XKR8: variants seen among roughly 807,000 people sequenced by gnomAD.
XKR8 encodes XK-related protein 8.
In XKR8, 10 loss-of-function variants were observed where a neutral mutation model predicts 17.1. The observed-to-expected ratio is 0.59, with a 90% CI of 0.36 to 0.99. The LOEUF is 0.99. XKR8 is among the 50% of genes least tolerant of loss of function. The probability of loss-of-function intolerance (pLI) is 0.01; values close to 1 mark genes in which losing one functional copy is unlikely to be tolerated. For missense variants in XKR8, 411 were observed against 515.6 expected, an observed-to-expected ratio of 0.80 and a Z score of 1.96; for synonymous variants, 213 against 251.9, an observed-to-expected ratio of 0.85 and a Z score of 1.46.
At position 27,968,036 on chromosome 1, in the gene XKR8, C is replaced by T. The variant is rs568608961; in HGVS notation, c.*836C>T. Reference sequence around the variant, plus strand: ...TGTGCCTGTGGGTCTCTACAAGTGACAGATGTGTTGTTTTCAACAGTATTA... The same window carrying T: ...TGTGCCTGTGGGTCTCTACAAGTGATAGATGTGTTGTTTTCAACAGTATTA... On this transcript the variant is annotated 3_prime_UTR_variant, in exon 3 of 3. Transcript: ENST00000373884. 9.8e-5 allele frequency: 15 copies of T among 152,796 alleles called. No homozygotes were observed. In the East Asian group the frequency reaches 2.9e-3, roughly 29 times the overall value. 9.5% of individuals were successfully genotyped at this position (152,796 alleles called of 1,614,324 possible).
In XKR8 at chr1:27,965,844, G is replaced by A. The variant is rs1449158392; in HGVS notation, c.491-659G>A. 2.0e-5 allele frequency among the ~76,000 whole-genome samples: 3 copies of A among 152,178 alleles called. No homozygotes were observed. The highest frequency in any genetic ancestry group is 4.4e-5 in the Non-Finnish European group (3 of 68,024). On this transcript the variant is annotated intron_variant, in intron 2 of 2. Transcript: ENST00000373884. This position sits in a 1 kb window ranked among gnomAD's most constrained non-coding sequence, Gnocchi z 4.1. ...GGTGCCACTTCCATCCCTCCCTGGA[G>A]GCCCTTGTGCTTCTGCTCCAGGATT...
In XKR8 at chr1:27,960,059, G is replaced by T; in HGVS notation, c.-11G>T. ...CGCGGAGGAGCAGGAGAGGGCGGAG[G>T]CCGGCGGGCCATGCCCTGGTCGTCC... On this transcript the variant is annotated 5_prime_UTR_variant, in exon 1 of 3. Transcript: ENST00000373884. The surrounding 1 kb of genome is among the most constrained non-coding windows in gnomAD (Gnocchi z 5.9). 1.4e-6 allele frequency: 2 copies of T among 1,421,282 alleles called. No homozygotes were observed. Among genetic ancestry groups the T allele is most frequent in the Non-Finnish European group, 1.8e-6 (2 of 1,093,036 alleles). 88.0% of individuals were successfully genotyped at this position (1,421,282 alleles called of 1,614,324 possible).
Position 27,960,506 on chromosome 1 carries a change from G to A in XKR8, c.293+144G>A. On this transcript the variant is annotated intron_variant, in intron 1 of 2. Transcript: ENST00000373884. This position sits in a 1 kb window ranked among gnomAD's most constrained non-coding sequence, Gnocchi z 5.9. ...CTGTGGGCGCCTGGCCTACAGGTGAGCGTGCAGCCCTTTACGGAAAGGGAA... is the reference window on the plus strand; with the variant it reads ...CTGTGGGCGCCTGGCCTACAGGTGAACGTGCAGCCCTTTACGGAAAGGGAA... 7 of 802,884 alleles carry A rather than the reference G, an allele frequency of 8.7e-6. No individual in the cohort carries two copies. Among genetic ancestry groups the A allele is most frequent in the Non-Finnish European group, 1.2e-5 (7 of 572,904 alleles). 49.7% of individuals were successfully genotyped at this position (802,884 alleles called of 1,614,324 possible). A position where few individuals can be genotyped will look rare whatever the true frequency, so the allele number is the denominator to read the frequency against.
intron 1 of XKR8, 150 bp from the exon 2 acceptor site, chr1:27,963,347 G>A (rs1638506828): frequency 1.1e-6 from 1 of 898,498 alleles, no homozygotes; most frequent in East Asian, 2.9e-5. Flanking sequence ...GATGAAACAA[G>A]TTCAGTGAGG....
In XKR8 at chr1:27,963,591, A is replaced by G. The variant is rs1333682450; in HGVS notation, c.388A>G (p.Ile130Val). The G allele has an allele frequency of 6.2e-7, 1 of 1,614,198 alleles. No individual in the cohort carries two copies. Among genetic ancestry groups the G allele is most frequent in the East Asian group, 2.2e-5 (1 of 44,884 alleles). ...LAYADFLALD[I>V]SMLRLFETFL... ...CTACGCCGACTTCCTCGCCCTGGAC[A>G]TCAGCATGCTGCGGCTCTTCGAGAC... Residue 130 changes from isoleucine to valine, a missense_variant, in exon 2 of 3, where the codon ATC becomes GTC. Coordinates refer to ENST00000373884, the MANE Select transcript of XKR8 (RefSeq NM_018053.4).
In XKR8 at chr1:27,967,087, A is replaced by C; in HGVS notation, c.1075A>C (p.Ser359Arg). ...PDPDQVDGAR[S>R]LLSPEGYQLP... is the part of the protein sequence containing the mutation. ...CCCTGACCAGGTAGACGGGGCCCGG[A>C]GTCTGCTTTCTCCAGAGGGGTATCA... Residue 359 changes from serine (S) to arginine (R), a missense_variant, in exon 3 of 3, where the codon AGT (serine) becomes CGT (arginine). By Grantham distance (110) the Ser-to-Arg change is moderately radical (BLOSUM62 -1). Transcript: ENST00000373884. The surrounding 1 kb of genome is among the most constrained non-coding windows in gnomAD (Gnocchi z 4.3). 6.2e-7 allele frequency: 1 copy of C among 1,614,016 alleles called. No homozygotes were observed. Among genetic ancestry groups the C allele is most frequent in the Non-Finnish European group, 8.5e-7 (1 of 1,179,936 alleles).
In XKR8 at chr1:27,967,051, T is replaced by A; in HGVS notation, c.1039T>A (p.Trp347Arg). ...CCACTGGCTGCACCCTAGCTGCTGC[T>A]GGAAGCCCGACCCTGACCAGGTAGA... The part of the protein sequence containing the change: ...YYHWLHPSCC[W>R]KPDPDQVDGA... The change falls in exon 3 of 3, where the codon TGG becomes AGG. Residue 347 changes from tryptophan (W) to arginine (R), a missense_variant. Transcript: ENST00000373884. This position sits in a 1 kb window ranked among gnomAD's most constrained non-coding sequence, Gnocchi z 4.3. 6.2e-7 allele frequency: 1 copy of A among 1,614,102 alleles called. No individual in the cohort carries two copies. Among genetic ancestry groups the A allele is most frequent in the Non-Finnish European group, 8.5e-7 (1 of 1,179,984 alleles).
Position 27,960,281 on chromosome 1 carries a change from A to T in XKR8, c.212A>T (p.Asp71Val). ...QLFSWLWLRA[D>V]PAGLHGSQPP... Reference sequence around the variant, plus strand: ...TTCAGCTGGCTCTGGCTGCGCGCTGACCCTGCCGGCCTGCACGGGTCGCAG... The same window carrying T: ...TTCAGCTGGCTCTGGCTGCGCGCTGTCCCTGCCGGCCTGCACGGGTCGCAG... Residue 71 changes from aspartate to valine, a missense_variant, in exon 1 of 3, where the codon GAC becomes GTC. Transcript: ENST00000373884. This position sits in a 1 kb window ranked among gnomAD's most constrained non-coding sequence, Gnocchi z 5.9. The T allele has an allele frequency of 6.6e-7, 1 of 1,516,206 alleles. No individual in the cohort carries two copies. Among genetic ancestry groups the T allele is most frequent in the Non-Finnish European group, 8.8e-7 (1 of 1,138,872 alleles). 93.9% of individuals were successfully genotyped at this position (1,516,206 alleles called of 1,614,324 possible). A position where few individuals can be genotyped will look rare whatever the true frequency, so the allele number is the denominator to read the frequency against.
chr1:27,963,827 T>C (rs1029391004), intron 2 of XKR8, 134 bp downstream of exon 2: 2 of 944,266 alleles, frequency 2.1e-6, no homozygotes, highest in Non-Finnish European at 3.1e-6. Context: ...CAGATCTGGC[T>C]TGAAACCTAA....
At chr1:27,963,168 C>T (rs535982898) in intron 1 of XKR8, among the ~76,000 whole-genome samples, 8 of 152,134 alleles carry the variant, frequency 5.3e-5, no homozygotes, top group Admixed American at 2.0e-4. Context: ...GGACTACAGG[C>T]GCGCACCACC....
chr1:27,964,645 C>A (rs569660690), intron 2 of XKR8, among the ~76,000 whole-genome samples: 1 of 152,102 alleles, frequency 6.6e-6, no homozygotes. Context: ...CAAGTAGCTA[C>A]GGTTGAGTGA....
chr1:27,966,959 T>C lies in XKR8; in HGVS notation c.947T>C (p.Leu316Pro), dbSNP rs750830723. The stretch of plus-strand genomic sequence containing the variant: ...TCCTGGCTGCCCAGCGGGATTCCAC[T>C]GCAGCTGTGGCTGCCTGTGGGATGC... ...HSSWLPSGIP[L>P]QLWLPVGCGC... The change falls in exon 3 of 3, where the codon CTG (leucine) becomes CCG (proline). Residue 316 changes from leucine to proline, a missense_variant. Transcript: ENST00000373884. This position sits in a 1 kb window ranked among gnomAD's most constrained non-coding sequence, Gnocchi z 4.3. The C allele has an allele frequency of 7.4e-6, 12 of 1,614,054 alleles. No individual in the cohort carries two copies. The Admixed American group carries it at 1.5e-4, about 20-fold the overall frequency.
chr1:27,966,051 G>A lies in XKR8; in HGVS notation c.491-452G>A, dbSNP rs536245029. Among the ~76,000 whole-genome samples, 3 of 152,274 alleles carry A rather than the reference G, an allele frequency of 2.0e-5. No homozygotes were observed. In the East Asian group the frequency reaches 5.8e-4, roughly 29 times the overall value. On this transcript the variant is annotated intron_variant, in intron 2 of 2. Coordinates refer to ENST00000373884, the MANE Select transcript of XKR8 (RefSeq NM_018053.4). The surrounding 1 kb of genome is among the most constrained non-coding windows in gnomAD (Gnocchi z 4.3). ...AGGGCAGCTTTAGCCAGAGCCTGTTGCCACCCCATGGGATTTTCTACTCCC... is the reference window on the plus strand; with the variant it reads ...AGGGCAGCTTTAGCCAGAGCCTGTTACCACCCCATGGGATTTTCTACTCCC...
chr1:27,963,192 T>G (rs1337493044), intron 1 of XKR8, among the ~76,000 whole-genome samples: 1 of 152,110 alleles, frequency 6.6e-6, no homozygotes, highest in East Asian at 1.9e-4. Context: ...CCCAGCTAAT[T>G]TTTTGTATTA....
Position 27,959,991 on chromosome 1 carries a change from C to G in XKR8, c.-79C>G. The stretch of plus-strand genomic sequence containing the variant: ...CCGCCCCGAGGGCTGCGCCCACCTC[C>G]TTCCTGCCTCGGCAACCCCGGGCCC... On this transcript the variant is annotated 5_prime_UTR_variant, in exon 1 of 3. Coordinates refer to ENST00000373884, the MANE Select transcript of XKR8 (RefSeq NM_018053.4). 1 of 1,301,358 alleles carries G rather than the reference C, an allele frequency of 7.7e-7. No individual in the cohort carries two copies. Among genetic ancestry groups the G allele is most frequent in the Non-Finnish European group, 9.9e-7 (1 of 1,014,386 alleles). The allele number at this position is 1,301,358 out of a possible 1,614,324, so 80.6% of individuals were successfully genotyped here. A position where few individuals can be genotyped will look rare whatever the true frequency, so the allele number is the denominator to read the frequency against.
chr1:27,966,674 T>C lies in XKR8; in HGVS notation c.662T>C (p.Phe221Ser). Residue 221 changes from phenylalanine (F) to serine (S), a missense_variant, in exon 3 of 3, where the codon TTC becomes TCC. Transcript: ENST00000373884. This position sits in a 1 kb window ranked among gnomAD's most constrained non-coding sequence, Gnocchi z 4.3. ...CCCCGAGTCCTGGCTGTGGCCCTGT[T>C]CTCAGCCCTCTTCCCCAGCTATGTG... ...LWPRVLAVAL[F>S]SALFPSYVAL... The C allele has an allele frequency of 6.2e-7, 1 of 1,614,104 alleles. No homozygotes were observed. The highest frequency in any genetic ancestry group is 8.5e-7 in the Non-Finnish European group (1 of 1,179,998).
chr1:27,963,914 G>A (rs145018111), intron 2 of XKR8, among the ~76,000 whole-genome samples: 303 of 152,274 alleles, frequency 2.0e-3, no homozygotes, highest in African/African-American at 7.0e-3. Context: ...TGAAATATGG[G>A]CTTAAATCCT....
In XKR8 at chr1:27,967,130, G is replaced by A. The variant is rs149565998; in HGVS notation, c.1118G>A (p.Arg373His). The change falls in exon 3 of 3, where the codon CGC (arginine) becomes CAC (histidine). Residue 373 changes from arginine to histidine, a missense_variant. By Grantham distance (29) the Arg-to-His change is conservative. Transcript: ENST00000373884. This position sits in a 1 kb window ranked among gnomAD's most constrained non-coding sequence, Gnocchi z 4.3. ...GGGTATCAGCTGCCTCAGAACAGGC[G>A]CATGACCCATTTAGCACAGAAGTTT... Reference protein sequence around the residue: ...PEGYQLPQNRRMTHLAQKFFP... With the variant: ...PEGYQLPQNRHMTHLAQKFFP... 3.4e-4 allele frequency: 546 copies of A among 1,607,090 alleles called. 4 individuals are homozygous for A. The highest frequency in any genetic ancestry group is 1.3e-4 in the Admixed American group (8 of 59,326).
intron 1 of XKR8, among the ~76,000 whole-genome samples, chr1:27,962,118 G>A (rs1402141910): frequency 2.6e-5 from 4 of 152,196 alleles, no homozygotes; most frequent in African/African-American, 7.2e-5. Flanking sequence ...AGAGGCAAAT[G>A]TCCTCTTGCC....
Sources: gnomAD v4.1 joint callset for allele counts (sites outside exome capture counted in the v4.1 genomes callset) on GRCh38, gnomAD v4.1.1 for gene constraint, Gnocchi (gnomAD v3.1) non-coding constraint, MANE v1.5 for transcripts, NCBI Gene and HGNC (gene_info 2026-07-23, HGNC 2026-07-21) for gene names.